Variants in TLE1 observed in about 807,000 individuals in gnomAD.
The protein encoded by TLE1 is TLE family member 1, transcriptional corepressor.
In TLE1, 21 loss-of-function variants were observed where a neutral mutation model predicts 89.8. The observed-to-expected ratio is 0.23, with a 90% confidence interval of 0.17 to 0.34. The LOEUF is 0.34. Among genes scored for constraint, TLE1 ranks in the 10% least tolerant of loss-of-function variants. TLE1 has a pLI of 1.00. For synonymous variants in TLE1, 447 were observed against 407.6 expected (o/e 1.10, Z -1.16); for missense variants, 795 against 1,031.2 (o/e 0.77, Z 3.14).
intron 6 of TLE1, among the ~76,000 whole-genome samples, chr9:81,636,209 C>T (rs906587364): frequency 3.3e-5 from 5 of 152,106 alleles, no homozygotes; most frequent in African/African-American, 1.2e-4. Context: ...AATCACCTTC[C>T]TGTCATCCCA....
chr9:81,622,770 T>C (rs1293922189), intron 8 of TLE1, among the ~76,000 whole-genome samples: 3 of 152,110 alleles, frequency 2.0e-5, no homozygotes, highest in African/African-American at 7.2e-5. Context: ...TTCAACAAGT[T>C]ACAAAACAAG....
intron 16 of TLE1, among the ~76,000 whole-genome samples, 172 bp downstream of exon 16, chr9:81,590,632 TA>T (rs1266421822): frequency 1.3e-5 from 2 of 152,226 alleles, no homozygotes; most frequent in Non-Finnish European, 2.9e-5. Context: ...AATAAGACTG[TA>T]AGCCCCCCAA....
chr9:81,623,657 G>A (rs375249960), intron 8 of TLE1, among the ~76,000 whole-genome samples: 3 of 150,652 alleles, frequency 2.0e-5, no homozygotes, highest in East Asian at 3.9e-4. Flanking sequence ...CCGGGTGGTG[G>A]TAGACACCTG....
chr9:81,585,442 T>A, intron 18 of TLE1, 63 bp downstream of exon 18: 1 of 1,577,406 alleles, frequency 6.3e-7, no homozygotes, highest in Non-Finnish European at 8.6e-7. Flanking sequence ...TACCATATTT[T>A]TTTAAGAAGC....
At chr9:81,588,417 A>T (rs1306496718) in intron 16 of TLE1, among the ~76,000 whole-genome samples, 1 of 152,088 alleles carries the variant, frequency 6.6e-6, no homozygotes, top group East Asian at 1.9e-4. Context: ...TGCATTAGGA[A>T]ATCTGGACTC....
rs1834705572 is a variant in TLE1 at position 81,688,920 on chromosome 9, C to A, written c.-680G>T. ...GACGAGGCGGGGAAAGTGCGGAGGGCGCGCCGGGAGGCGGCTCGGCACGCC... is the reference window on the plus strand; with the variant it reads ...GACGAGGCGGGGAAAGTGCGGAGGGAGCGCCGGGAGGCGGCTCGGCACGCC... On this transcript the variant is annotated 5_prime_UTR_variant, in exon 1 of 20. Transcript: ENST00000376499. 1 of 152,554 alleles carries A rather than the reference C, an allele frequency of 6.6e-6. No individual in the cohort carries two copies. Among genetic ancestry groups the A allele is most frequent in the South Asian group, 2.1e-4 (1 of 4,832 alleles). The allele number at this position is 152,554 out of a possible 1,614,324, so 9.5% of individuals were successfully genotyped here. A position where few individuals can be genotyped will look rare whatever the true frequency, so the allele number is the denominator to read the frequency against.
At chr9:81,605,305 G>C (rs1278900709) in intron 14 of TLE1, among the ~76,000 whole-genome samples, 1 of 152,160 alleles carries the variant, frequency 6.6e-6, no homozygotes, top group Non-Finnish European at 1.5e-5. Context: ...TGCAGTCATC[G>C]AGAGTGAGCG....
rs141074900 is a variant in TLE1 at position 81,614,785 on chromosome 9, G to A, written c.918+1197C>T. Among the ~76,000 whole-genome samples the A allele has an allele frequency of 1.2e-4, 19 of 152,128 alleles. 1 individual carries two copies. The East Asian group carries it at 3.7e-3, about 30-fold the overall frequency. ...TGGCTTCCCCTGGGGCCTCCTTTGTGCATCACTGATCTGACGAGCTCCATA... is the reference window on the plus strand; with the variant it reads ...TGGCTTCCCCTGGGGCCTCCTTTGTACATCACTGATCTGACGAGCTCCATA... On this transcript the variant is annotated intron_variant, in intron 11 of 19. Transcript: ENST00000376499.
chr9:81,622,643 G>A (rs1307337914), intron 8 of TLE1, among the ~76,000 whole-genome samples: 1 of 152,226 alleles, frequency 6.6e-6, no homozygotes, highest in African/African-American at 2.4e-5. Flanking sequence ...CGGCTTAAAT[G>A]AAGCTTATAA....
intron 4 of TLE1, among the ~76,000 whole-genome samples, chr9:81,679,081 G>GTTC (rs1379853140): frequency 6.6e-6 from 1 of 152,188 alleles, no homozygotes; most frequent in African/African-American, 2.4e-5. Flanking sequence ...CCAGGAGGCG[G>GTTC]AGGCTGCAGT....
In TLE1 at chr9:81,634,177, G is replaced by C. The variant is rs756480525; in HGVS notation, c.497C>G (p.Ala166Gly). 6.9e-6 allele frequency: 11 copies of C among 1,597,104 alleles called. No individual in the cohort carries two copies. The highest frequency in any genetic ancestry group is 1.7e-5 in the Admixed American group (1 of 58,132). The part of the protein sequence containing the change: ...PPLGGSAGLL[A>G]LSSALSGQSH... ...CTGCCCACTCAGAGCACTAGACAGCGCAAGAAGGCCGGCACTGCCCCCGAG... is the reference window on the plus strand; with the variant it reads ...CTGCCCACTCAGAGCACTAGACAGCCCAAGAAGGCCGGCACTGCCCCCGAG... The change falls in exon 7 of 20, where the codon GCG becomes GGG. Residue 166 changes from alanine (A) to glycine (G), a missense_variant. By Grantham distance (60) the Ala-to-Gly change is moderately conservative. Transcript: ENST00000376499.
intron 16 of TLE1, among the ~76,000 whole-genome samples, chr9:81,590,020 T>C (rs982590351): frequency 2.0e-5 from 3 of 152,200 alleles, no homozygotes; most frequent in Non-Finnish European, 4.4e-5. Context: ...AGAGGGGACT[T>C]ACCAAACAAG....
chr9:81,639,584 T>G (rs146310230), intron 6 of TLE1, among the ~76,000 whole-genome samples: 1,632 of 148,446 alleles, frequency 0.011, 48 homozygotes, highest in African/African-American at 0.038. Context: ...TGTTTTTTTT[T>G]TTTGTTTTTT....
chr9:81,655,668 A>G (rs1830067859), intron 4 of TLE1, among the ~76,000 whole-genome samples: 3 of 152,070 alleles, frequency 2.0e-5, no homozygotes, highest in South Asian at 2.1e-4. Flanking sequence ...AATGCCACCT[A>G]TATTACTGAA....
At chr9:81,666,962 A>T (rs4563962) in intron 4 of TLE1, among the ~76,000 whole-genome samples, 131,266 of 151,966 alleles carry the variant, frequency 0.86, 56,985 homozygotes, top group African/African-American at 0.96. Context: ...TACAGAAAAA[A>T]TTTAAAAATT....
intron 4 of TLE1, among the ~76,000 whole-genome samples, chr9:81,668,888 T>C (rs1831846943): frequency 6.6e-6 from 1 of 152,222 alleles, no homozygotes; most frequent in East Asian, 1.9e-4. Context: ...ACTCCTGTAA[T>C]TCACAAGTTA....
chr9:81,610,511 A>C (rs994167299), intron 13 of TLE1, among the ~76,000 whole-genome samples: 3 of 152,154 alleles, frequency 2.0e-5, no homozygotes, highest in African/African-American at 7.2e-5. Context: ...GGTAGAGAGG[A>C]GATGTGATCT....
chr9:81,686,291 C>T (rs1834270807), intron 2 of TLE1, among the ~76,000 whole-genome samples: 2 of 152,208 alleles, frequency 1.3e-5, no homozygotes, highest in Admixed American at 1.3e-4. Flanking sequence ...CCAACTCAAA[C>T]GGTCTCTAGG....
intron 4 of TLE1, among the ~76,000 whole-genome samples, chr9:81,660,782 T>C (rs1564043887): frequency 3.3e-5 from 5 of 151,064 alleles, no homozygotes; most frequent in Non-Finnish European, 5.9e-5. Flanking sequence ...AATCAAACTC[T>C]AGTGTATTCT....
Sources: gnomAD v4.1 joint callset for allele counts (sites outside exome capture counted in the v4.1 genomes callset) on GRCh38, gnomAD v4.1.1 for gene constraint, MANE v1.5 for transcripts, NCBI Gene and HGNC (gene_info 2026-07-23, HGNC 2026-07-21) for gene names.